The following MADD variants were observed in gnomAD, a reference collection of about 807,000 sequenced individuals.
MADD encodes the protein MAP kinase activating death domain.
Under a neutral mutation model 176.7 loss-of-function variants are expected in MADD, and 109 were observed. The ratio of observed to expected loss-of-function variants is 0.62; its 90% CI spans 0.53 to 0.72. MADD has a LOEUF of 0.72. Ranked by LOEUF, MADD falls within the 30% of genes least tolerant of loss-of-function variation. The pLI is 0.00. For synonymous variants in MADD, 771 were observed against 771.3 expected, an observed-to-expected ratio of 1.00 and a Z score of 0.01; for missense variants, 1,914 against 2,045.5, an observed-to-expected ratio of 0.94 and a Z score of 1.24.
At chr11:47,282,887 G>A (rs763796557) in exon 10 of MADD, 23 of 1,613,908 alleles carry the variant, frequency 1.4e-5, no homozygotes, top group African/African-American at 9.4e-5. Context: ...CCACTATCGC[G>A]TCTATGACAG....
At chr11:47,292,699 C>T in intron 19 of MADD, 103 bp downstream of exon 21, 2 of 1,143,490 alleles carry the variant, frequency 1.7e-6, no homozygotes, top group Admixed American at 1.8e-5. Context: ...CCCAAATTTG[C>T]TCTTAGAGCG....
intron 23 of MADD, 72 bp from the exon 27 acceptor site, chr11:47,309,209 T>C (rs1246614966): frequency 6.4e-7 from 1 of 1,560,206 alleles, no homozygotes; most frequent in Non-Finnish European, 8.7e-7. Flanking sequence ...TGGATTTTAC[T>C]CTTTATTTTT....
chr11:47,294,538 C>T (rs1470867963), intron 20 of MADD, among the ~76,000 whole-genome samples: 39 of 151,036 alleles, frequency 2.6e-4, no homozygotes, highest in African/African-American at 7.0e-4. Flanking sequence ...GGTGTGGTGG[C>T]GGGCACCTGT....
chr11:47,292,540 T>C lies in MADD; in HGVS notation c.3302-1343T>C. 2 of 1,613,588 alleles carry C rather than the reference T, an allele frequency of 1.2e-6. No homozygotes were observed. Among genetic ancestry groups the C allele is most frequent in the Non-Finnish European group, 1.7e-6 (2 of 1,179,880 alleles). On this transcript the variant is annotated intron_variant, in intron 19 of 32. Transcript: ENST00000402192. ...TCTCCTGCTTGCATTGCATCTGGGGTAGAATTGTGGAACAAGCACCAGGAA... is the reference window on the plus strand; with the variant it reads ...TCTCCTGCTTGCATTGCATCTGGGGCAGAATTGTGGAACAAGCACCAGGAA...
At chr11:47,275,215 G>A in intron 3 of MADD, 56 bp downstream of exon 3, 1 of 1,462,764 alleles carries the variant, frequency 6.8e-7, no homozygotes, top group Non-Finnish European at 9.3e-7. Flanking sequence ...CCATGTAATT[G>A]GTCTTTGAGG....
chr11:47,328,529 C>T, intron 31 of MADD, 129 bp from the exon 36 acceptor site: 1 of 1,531,156 alleles, frequency 6.5e-7, no homozygotes, highest in Non-Finnish European at 8.8e-7. Flanking sequence ...GCCTAAGCTG[C>T]TGCAGCCACT....
rs1316289338 is a variant in MADD, at chr11:47,304,560, G to T, written c.3643-4031G>T. Among the ~76,000 whole-genome samples, 6 of 148,024 alleles carry T rather than the reference G, an allele frequency of 4.1e-5. No individual in the cohort carries two copies. The East Asian group carries it at 1.2e-3, about 31-fold the overall frequency. On this transcript the variant is annotated intron_variant, in intron 22 of 32. Transcript: ENST00000402192. ...TTGTATTTTTTAAACTTTGTTCATT[G>T]AATTATTCAGCTGCAAGATTTCTGT...
chr11:47,328,472 G>C (rs774634823), intron 31 of MADD, 186 bp from the exon 36 acceptor site: 1 of 1,457,260 alleles, frequency 6.9e-7, no homozygotes, highest in Non-Finnish European at 9.0e-7. Flanking sequence ...TGTCCTCCCA[G>C]CTGGCAGAGT....
At chr11:47,292,735 G>T (rs748566197) in intron 19 of MADD, 139 bp downstream of exon 21, 2 of 758,560 alleles carry the variant, frequency 2.6e-6, no homozygotes, top group South Asian at 1.5e-5. Context: ...CAGGTAGGTA[G>T]CATGTGACTC....
exon 31 of MADD, chr11:47,326,781 G>A (rs775038699): frequency 3.1e-6 from 5 of 1,614,126 alleles, no homozygotes; most frequent in Middle Eastern, 1.6e-4. Flanking sequence ...AATACAGTTC[G>A]AGGCGTCTTT....
At chr11:47,269,314 C>T (rs1958174341), upstream of MADD, 1 of 152,364 alleles carries the variant, frequency 6.6e-6, no homozygotes. Context: ...TAGGCGCCCC[C>T]TTCCCCTGCT....
At chr11:47,276,703 A>G in intron 4 of MADD, 29 bp from the exon 5 acceptor site, 1 of 1,609,804 alleles carries the variant, frequency 6.2e-7, no homozygotes, top group Non-Finnish European at 8.5e-7. Context: ...TATGTTTTGG[A>G]GTGATTCTTA....
intron 23 of MADD, 108 bp downstream of exon 25, chr11:47,308,807 T>A: frequency 9.5e-7 from 1 of 1,047,662 alleles, no homozygotes; most frequent in Non-Finnish European, 1.5e-6. Context: ...ATCTTAATGC[T>A]AACATTAGAT....
exon 33 of MADD, chr11:47,329,409 G>T: frequency 2.0e-6 from 1 of 500,480 alleles, no homozygotes; most frequent in Non-Finnish European, 3.6e-6. Flanking sequence ...CTGTGGGGCC[G>T]GTGTGAACCC....
rs762042147 is a variant in MADD, at chr11:47,275,891, C to T, written c.660-8C>T. 13 of 1,599,480 alleles carry T rather than the reference C, an allele frequency of 8.1e-6. No individual in the cohort carries two copies. The highest frequency in any genetic ancestry group is 1.1e-5 in the Non-Finnish European group (13 of 1,169,038). On this transcript the variant is annotated splice_polypyrimidine_tract_variant and splice_region_variant and intron_variant, in intron 3 of 32. Coordinates refer to ENST00000402192, the Ensembl canonical transcript of MADD. The stretch of plus-strand genomic sequence containing the variant: ...TAATGTGTCTGATTCCTGCTGTCTG[C>T]TTCTCAGGGACACCATGTGGCGGAT...
intron 27 of MADD, among the ~76,000 whole-genome samples, chr11:47,322,128 G>A (rs771032566): frequency 4.6e-5 from 7 of 152,104 alleles, no homozygotes; most frequent in Non-Finnish European, 1.0e-4. Context: ...AGTCTTCATA[G>A]TAACTGTAGG....
chr11:47,323,237 C>CA (rs11341336), intron 27 of MADD, among the ~76,000 whole-genome samples: 1,836 of 108,888 alleles, frequency 0.017, 42 homozygotes, highest in African/African-American at 0.056. Flanking sequence ...GACTCCATCT[C>CA]AAAAAAAAAA....
chr11:47,307,739 G>A (rs2084150529), intron 22 of MADD, among the ~76,000 whole-genome samples: 2 of 151,964 alleles, frequency 1.3e-5, no homozygotes. Context: ...TGCAATCTTG[G>A]CTCACTGCAA....
chr11:47,280,490 T>TG (rs1230701671), intron 7 of MADD, among the ~76,000 whole-genome samples: 4 of 129,746 alleles, frequency 3.1e-5, no homozygotes, highest in African/African-American at 1.0e-4. Flanking sequence ...TTTTCAGTCT[T>TG]GATGATTGCT....
Sources: allele counts gnomAD v4.1 joint callset (sites outside exome capture counted in the v4.1 genomes callset), GRCh38; gene constraint gnomAD v4.1.1; transcripts MANE v1.5; gene names NCBI Gene and HGNC (gene_info 2026-07-23, HGNC 2026-07-21).